Variants in SERF2 observed in about 807,000 individuals in gnomAD.
The protein encoded by SERF2 is gastric cancer-related protein VRG107.
Under a neutral mutation model 10.7 loss-of-function variants are expected in SERF2, and 4 were observed. The ratio of observed to expected loss-of-function variants is 0.37; its 90% confidence interval spans 0.18 to 0.86. SERF2 has a LOEUF of 0.86. Among genes scored for constraint, SERF2 ranks in the 40% least tolerant of loss-of-function variants. The pLI, the probability that SERF2 is intolerant of heterozygous loss-of-function variation, is 0.43. For synonymous variants in SERF2, 26 were observed against 26.0 expected (o/e 1.00, Z 0.01); for missense variants, 47 against 79.1 (o/e 0.59, Z 1.54).
intron 1 of SERF2, among the ~76,000 whole-genome samples, chr15:43,781,724 T>C (rs1475660106): frequency 6.6e-6 from 1 of 151,376 alleles, no homozygotes; most frequent in Non-Finnish European, 1.5e-5. Context: ...CCTGGGACTA[T>C]AGGCATGCCA....
chr15:43,795,776 A>C lies in SERF2; in HGVS notation c.*2003A>C. ...GCAGGTTTTGGAATGGTCTTAAAAGATGTGAGGGTGTTAATCTAGGAAACT... is the reference window on the plus strand; with the variant it reads ...GCAGGTTTTGGAATGGTCTTAAAAGCTGTGAGGGTGTTAATCTAGGAAACT... On this transcript the variant is annotated 3_prime_UTR_variant, in exon 3 of 3. Transcript: ENST00000249786. The C allele has an allele frequency of 6.3e-7, 1 of 1,597,846 alleles. No homozygotes were observed. Among genetic ancestry groups the C allele is most frequent in the Non-Finnish European group, 8.6e-7 (1 of 1,169,418 alleles).
rs565283773 is a variant in SERF2, at chr15:43,793,990, A to C, written c.*217A>C. The C allele has an allele frequency of 1.8e-5, 27 of 1,498,798 alleles. No homozygotes were observed. The East Asian group carries it at 5.9e-4, about 33-fold the overall frequency. The allele number at this position is 1,498,798 out of a possible 1,614,324, so 92.8% of individuals were successfully genotyped here. A position where few individuals can be genotyped will look rare whatever the true frequency, so the allele number is the denominator to read the frequency against. ...GGGGGTGAGGGGGTTACCCCTTCCC[A>C]GTGTTTTTTATTCCTGTGGGGCTCA... On this transcript the variant is annotated 3_prime_UTR_variant, in exon 3 of 3. Coordinates refer to ENST00000249786, the MANE Select transcript of SERF2 (RefSeq NM_001018108.4).
At chr15:43,782,000 T>G (rs1401649416) in intron 1 of SERF2, among the ~76,000 whole-genome samples, 2 of 151,978 alleles carry the variant, frequency 1.3e-5, no homozygotes, top group African/African-American at 2.4e-5. Flanking sequence ...GCAATTCTGG[T>G]GCCTCAGCCT....
In SERF2 at chr15:43,794,246, G is replaced by T. The variant is rs2087147930; in HGVS notation, c.*473G>T. 1 of 396,912 alleles carries T rather than the reference G, an allele frequency of 2.5e-6. No individual in the cohort carries two copies. Among genetic ancestry groups the T allele is most frequent in the East Asian group, 4.1e-5 (1 of 24,338 alleles). 24.6% of individuals were successfully genotyped at this position (396,912 alleles called of 1,614,324 possible). On this transcript the variant is annotated 3_prime_UTR_variant, in exon 3 of 3. Transcript: ENST00000249786. The stretch of plus-strand genomic sequence containing the variant: ...GATATGCAGTAGAGGAATCCTCTAA[G>T]AACCATAGAGACTTCTTTTCTGTGA...
chr15:43,792,166 C>A (rs559518050), upstream of SERF2: 31 of 603,586 alleles, frequency 5.1e-5, no homozygotes, highest in Middle Eastern at 4.0e-4. Context: ...CTGAGCGCTC[C>A]GCCTGCGACC....
intron 2 of SERF2, 159 bp downstream of exon 2, chr15:43,793,242 A>G (rs1364301065): frequency 5.0e-6 from 3 of 597,110 alleles, no homozygotes; most frequent in Admixed American, 5.9e-5. Context: ...CACCCTCCAA[A>G]TTGTTAGCTC....
At chr15:43,792,696 C>CCA in intron 1 of SERF2, 1 of 1,127,364 alleles carries the variant, frequency 8.9e-7, no homozygotes, top group Non-Finnish European at 1.2e-6. Context: ...CCCAAACCGT[C>CCA]CACACACACC....
At chr15:43,787,920 G>A (rs968356682), upstream of SERF2, among the ~76,000 whole-genome samples, 7 of 149,186 alleles carry the variant, frequency 4.7e-5, no homozygotes. Flanking sequence ...TATCACCCAG[G>A]CTGGAGTGCA....
chr15:43,792,395 G>GC lies in SERF2; in HGVS notation c.7+17dup. On this transcript the variant is annotated intron_variant, in intron 1 of 2. Coordinates refer to ENST00000249786, the MANE Select transcript of SERF2 (RefSeq NM_001018108.4). ...CGTCGCCATGACCCGTGAGCACCGA[G>GC]CCCCCTTCTCCTTGCCCTTTTCTTT... 6.2e-7 allele frequency: 1 copy of GC among 1,613,878 alleles called. No homozygotes were observed. The highest frequency in any genetic ancestry group is 1.1e-5 in the South Asian group (1 of 91,070).
rs148991630 is a variant in SERF2, at chr15:43,794,079, G to T, written c.*306G>T. On this transcript the variant is annotated 3_prime_UTR_variant, in exon 3 of 3. Transcript: ENST00000249786. The stretch of plus-strand genomic sequence containing the variant: ...GCCTGGTTTGACTGGGGACTTGGGG[G>T]GATGGGGTTGGAAGAATGACTGCCC... 5.9e-3 allele frequency: 6,535 copies of T among 1,115,812 alleles called. 35 individuals carry two copies. The highest frequency in any genetic ancestry group is 7.1e-3 in the Non-Finnish European group (5,731 of 810,990). 69.1% of individuals were successfully genotyped at this position (1,115,812 alleles called of 1,614,324 possible).
rs111528333 is a variant in SERF2, at chr15:43,781,894, C to T, written c.-526-3516C>T. ...ACCGCACCTGGTCCTACTTCTTCTT[C>T]TTTTTTTTTTTTTGAGACACAGTTT... On this transcript the variant is annotated intron_variant, in intron 1 of 4. Transcript: ENST00000381359. Among the ~76,000 whole-genome samples the T allele has an allele frequency of 1.2e-3, 64 of 53,272 alleles. 1 individual carries two copies. The highest frequency in any genetic ancestry group is 2.6e-3 in the East Asian group (6 of 2,272). 34.9% of individuals were successfully genotyped at this position (53,272 alleles called of 152,430 possible).
intron 2 of SERF2, chr15:43,793,471 A>C: frequency 2.1e-5 from 24 of 1,163,750 alleles, no homozygotes; most frequent in Non-Finnish European, 2.6e-5. Flanking sequence ...AATACAGAAT[A>C]GAGACCCTTG....
chr15:43,792,617 G>C lies in SERF2; in HGVS notation c.7+234G>C, dbSNP rs534232537. 1,898 of 1,432,228 alleles carry C rather than the reference G, an allele frequency of 1.3e-3. 3 individuals are homozygous for C. Among genetic ancestry groups the C allele is most frequent in the Non-Finnish European group, 1.5e-3 (1,604 of 1,095,724 alleles). The allele number at this position is 1,432,228 out of a possible 1,614,324, so 88.7% of individuals were successfully genotyped here. A position where few individuals can be genotyped will look rare whatever the true frequency, so the allele number is the denominator to read the frequency against. On this transcript the variant is annotated intron_variant, in intron 1 of 2. Transcript: ENST00000249786. ...CCTCCCGGATCTTCCGCGGTGTAAG[G>C]AGAAGGCCAGCGCCCCTGTGATAGG...
At chr15:43,789,076 G>A (rs1202721428), upstream of SERF2, among the ~76,000 whole-genome samples, 3 of 151,896 alleles carry the variant, frequency 2.0e-5, no homozygotes, top group Admixed American at 6.6e-5. Context: ...GTGAACCCGG[G>A]AGGCGGAGCT....
intron 1 of SERF2, among the ~76,000 whole-genome samples, chr15:43,780,766 C>T (rs2086958238): frequency 1.3e-5 from 2 of 152,144 alleles, no homozygotes; most frequent in South Asian, 4.1e-4. Flanking sequence ...TCATGTCTCC[C>T]ATCCACAAAT....
chr15:43,786,646 A>C (rs1424165782), intron 2 of SERF2, among the ~76,000 whole-genome samples: 1 of 152,196 alleles, frequency 6.6e-6, no homozygotes, highest in Non-Finnish European at 1.5e-5. Flanking sequence ...TTAAACCAAC[A>C]AAACAATATG....
At chr15:43,786,371 T>C (rs558365472) in intron 2 of SERF2, among the ~76,000 whole-genome samples, 2 of 143,396 alleles carry the variant, frequency 1.4e-5, no homozygotes, top group South Asian at 2.2e-4. Flanking sequence ...GCCGAGATTA[T>C]GCCACTGCAC....
At chr15:43,789,679 C>A (rs1315689513), upstream of SERF2, among the ~76,000 whole-genome samples, 3 of 152,124 alleles carry the variant, frequency 2.0e-5, no homozygotes, top group Non-Finnish European at 4.4e-5. Context: ...TGCGTGGAAT[C>A]TGTTATTTTC....
At chr15:43,791,857 A>G (rs2087065772), upstream of SERF2, 2 of 162,768 alleles carry the variant, frequency 1.2e-5, no homozygotes. Context: ...GCTGTGAACA[A>G]CTCGTGTCCA....
Sources: allele counts gnomAD v4.1 joint callset (sites outside exome capture counted in the v4.1 genomes callset), GRCh38; gene constraint gnomAD v4.1.1; transcripts MANE v1.5; gene names NCBI Gene and HGNC (gene_info 2026-07-23, HGNC 2026-07-21).